PIGL: variants seen among roughly 807,000 people sequenced by gnomAD.
PIGL encodes the protein phosphatidylinositol glycan anchor biosynthesis class L, also known as N-acetylglucosaminyl-phosphatidylinositol de-N-acetylase.
Under a neutral mutation model 31.1 loss-of-function variants are expected in PIGL, and 22 were observed. That is an observed-to-expected ratio of 0.71 (90% CI 0.51 to 1.01). The LOEUF (loss-of-function observed/expected upper bound fraction) is 1.01. PIGL is among the 50% of genes least tolerant of loss of function. PIGL has a pLI of 0.00. For missense variants in PIGL, 302 were observed against 315.9 expected (o/e 0.96, Z 0.33); for synonymous variants, 131 against 117.4 (o/e 1.12, Z -0.75).
At chr17:16,227,364 G>A (rs934675409) in intron 1 of PIGL, among the ~76,000 whole-genome samples, 3 of 152,178 alleles carry the variant, frequency 2.0e-5, no homozygotes, top group Middle Eastern at 6.8e-3. Context: ...GCCTGCCTTG[G>A]CCTCCCAAAG....
chr17:16,227,271 C>T (rs908975894), intron 1 of PIGL, among the ~76,000 whole-genome samples: 1 of 151,610 alleles, frequency 6.6e-6, no homozygotes, highest in South Asian at 2.1e-4. Flanking sequence ...ACCATCATGA[C>T]CAGCTAATTT....
At chr17:16,274,821 C>G (rs1318293682) in intron 2 of PIGL, among the ~76,000 whole-genome samples, 1 of 151,808 alleles carries the variant, frequency 6.6e-6, no homozygotes, top group African/African-American at 2.4e-5. Flanking sequence ...CACCTAAGGT[C>G]AGGAGTTTGA....
chr17:16,313,701 T>C lies in PIGL; in HGVS notation c.494+87T>C, dbSNP rs1489388959. 2.8e-6 allele frequency: 3 copies of C among 1,083,604 alleles called. No homozygotes were observed. The African/African-American group carries it at 4.6e-5, about 17-fold the overall frequency. 67.1% of individuals were successfully genotyped at this position (1,083,604 alleles called of 1,614,324 possible). A position where few individuals can be genotyped will look rare whatever the true frequency, so the allele number is the denominator to read the frequency against. ...TTAAAGTCTAAAGCACTTTCCCACT[T>C]GTTATCTGAGCCCATGAAACTCACT... On this transcript the variant is annotated intron_variant, in intron 4 of 6. Coordinates refer to ENST00000225609, the MANE Select transcript of PIGL (RefSeq NM_004278.4).
chr17:16,252,293 C>T (rs1323905274), intron 2 of PIGL, among the ~76,000 whole-genome samples: 1 of 151,810 alleles, frequency 6.6e-6, no homozygotes, highest in Admixed American at 6.6e-5. Context: ...AGGATGGTCT[C>T]GATCTCTTGA....
intron 5 of PIGL, 32 bp downstream of exon 5, chr17:16,316,744 A>C: frequency 6.2e-7 from 1 of 1,608,898 alleles, no homozygotes; most frequent in Non-Finnish European, 8.5e-7. Context: ...AAGGGCCACA[A>C]GATACTGTCC....
intron 2 of PIGL, among the ~76,000 whole-genome samples, chr17:16,271,968 T>TC (rs1247535112): frequency 6.6e-6 from 1 of 152,020 alleles, no homozygotes; most frequent in East Asian, 1.9e-4. Flanking sequence ...CAAGCAATCT[T>TC]CCCACCTTGG....
At chr17:16,290,207 C>T (rs565043130) in intron 2 of PIGL, among the ~76,000 whole-genome samples, 1 of 152,008 alleles carries the variant, frequency 6.6e-6, no homozygotes, top group South Asian at 2.1e-4. Flanking sequence ...CTCAGCCTCC[C>T]GAGTAGCTGG....
chr17:16,313,211 C>T (rs1427576897), intron 3 of PIGL, among the ~76,000 whole-genome samples: 1 of 152,168 alleles, frequency 6.6e-6, no homozygotes, highest in African/African-American at 2.4e-5. Flanking sequence ...ACAGAGTTCA[C>T]TTAGAAGCTA....
chr17:16,320,744 T>C (rs1314337128), intron 6 of PIGL, among the ~76,000 whole-genome samples: 23 of 144,656 alleles, frequency 1.6e-4, no homozygotes, highest in East Asian at 4.3e-4. Context: ...AAGCAATTCT[T>C]CTGTCTCAGC....
intron 1 of PIGL, among the ~76,000 whole-genome samples, chr17:16,229,732 T>G (rs1212115882): frequency 6.6e-6 from 1 of 152,102 alleles, no homozygotes; most frequent in Non-Finnish European, 1.5e-5. Flanking sequence ...ATTTCCCTGA[T>G]GACTAAGGAT....
intron 2 of PIGL, among the ~76,000 whole-genome samples, chr17:16,249,904 T>A (rs2092763574): frequency 6.6e-6 from 1 of 152,156 alleles, no homozygotes; most frequent in Non-Finnish European, 1.5e-5. Flanking sequence ...CTTTACCAGT[T>A]CTCTAGATAA....
chr17:16,255,964 C>G (rs1373640849), intron 2 of PIGL, among the ~76,000 whole-genome samples: 1 of 151,872 alleles, frequency 6.6e-6, no homozygotes, highest in Non-Finnish European at 1.5e-5. Context: ...ACTTCAAAGC[C>G]AGATTATTCT....
intron 2 of PIGL, among the ~76,000 whole-genome samples, chr17:16,282,549 C>G (rs576180967): frequency 6.6e-6 from 1 of 152,212 alleles, no homozygotes; most frequent in African/African-American, 2.4e-5. Context: ...CACAAAATAT[C>G]CCTAGAATTA....
At chr17:16,281,781 C>T (rs2092917501) in intron 2 of PIGL, among the ~76,000 whole-genome samples, 1 of 152,160 alleles carries the variant, frequency 6.6e-6, no homozygotes, top group Non-Finnish European at 1.5e-5. Context: ...AAGAAGGGGA[C>T]CTGTGATAGA....
At chr17:16,272,330 A>C (rs2092876450) in intron 2 of PIGL, among the ~76,000 whole-genome samples, 1 of 152,186 alleles carries the variant, frequency 6.6e-6, no homozygotes, top group Non-Finnish European at 1.5e-5. Flanking sequence ...CATTTTGTCA[A>C]TAGTTCTGAC....
intron 6 of PIGL, among the ~76,000 whole-genome samples, chr17:16,318,419 G>A (rs967982846): frequency 2.0e-5 from 3 of 151,606 alleles, no homozygotes; most frequent in Non-Finnish European, 4.4e-5. Flanking sequence ...TACAGGCACC[G>A]CCACCACACC....
chr17:16,315,708 C>CTTTTTTTTTTTT (rs1157169209), intron 4 of PIGL, among the ~76,000 whole-genome samples: 24 of 58,994 alleles, frequency 4.1e-4, no homozygotes, highest in Admixed American at 1.1e-3. Context: ...TTCTTTCTTT[C>CTTTTTTTTTTTT]TTTTTTTTTT....
intron 6 of PIGL, among the ~76,000 whole-genome samples, chr17:16,318,584 A>G (rs2093088898): frequency 6.6e-6 from 1 of 151,856 alleles, no homozygotes; most frequent in African/African-American, 2.4e-5. Context: ...CTCTTTATAT[A>G]TATATAATGT....
At chr17:16,307,890 G>C (rs531026669) in intron 3 of PIGL, among the ~76,000 whole-genome samples, 1 of 149,942 alleles carries the variant, frequency 6.7e-6, no homozygotes. Flanking sequence ...ATTTCAAGGA[G>C]CCCAGGGGTT....
Sources: allele counts gnomAD v4.1 joint callset (sites outside exome capture counted in the v4.1 genomes callset), GRCh38; gene constraint gnomAD v4.1.1; transcripts MANE v1.5; gene names NCBI Gene and HGNC (gene_info 2026-07-23, HGNC 2026-07-21).